Variants in AVEN observed in about 807,000 individuals in gnomAD.
AVEN encodes the protein apoptosis and caspase activation inhibitor.
Under a neutral mutation model 38.1 loss-of-function variants are expected in AVEN, and 41 were observed. That is an observed-to-expected ratio of 1.08 (90% CI 0.84 to 1.40). The LOEUF (loss-of-function observed/expected upper bound fraction) is 1.40. Ranked by LOEUF, AVEN falls within the 40% of genes most tolerant of loss-of-function variation. AVEN has a pLI of 0.00. For missense variants in AVEN, 605 were observed against 438.8 expected (o/e 1.38, Z -3.38); for synonymous variants, 206 against 171.8 (o/e 1.20, Z -1.56).
intron 2 of AVEN, among the ~76,000 whole-genome samples, chr15:33,945,693 C>G (rs1185176917): frequency 1.3e-5 from 2 of 152,116 alleles, no homozygotes; most frequent in African/African-American, 4.8e-5. Context: ...TCAAGCGAGT[C>G]CCCTGCCTCA....
chr15:33,861,252 C>T, downstream of AVEN: 1 of 1,112,226 alleles, frequency 9.0e-7, no homozygotes, highest in Non-Finnish European at 1.3e-6. Context: ...ATAGTTCAGT[C>T]TCTGCTGGAA....
At chr15:33,875,761 T>G (rs962003805) in intron 3 of AVEN, among the ~76,000 whole-genome samples, 164 bp downstream of exon 3, 2 of 152,170 alleles carry the variant, frequency 1.3e-5, no homozygotes, top group African/African-American at 4.8e-5. Context: ...CAAGGACCTG[T>G]GGAATTTCAG....
chr15:33,979,722 G>A (rs925198310), intron 2 of AVEN, among the ~76,000 whole-genome samples: 2 of 152,186 alleles, frequency 1.3e-5, no homozygotes, highest in African/African-American at 2.4e-5. Flanking sequence ...TTCATAACAT[G>A]TCAGCTTTAC....
At chr15:33,992,736 G>A (rs372755285) in intron 2 of AVEN, among the ~76,000 whole-genome samples, 1 of 152,142 alleles carries the variant, frequency 6.6e-6, no homozygotes, top group Non-Finnish European at 1.5e-5. Flanking sequence ...GAAAAGGTTC[G>A]AGGTTTAATT....
intron 2 of AVEN, among the ~76,000 whole-genome samples, chr15:33,947,447 T>C (rs1270355441): frequency 6.6e-6 from 1 of 152,138 alleles, no homozygotes; most frequent in African/African-American, 2.4e-5. Context: ...CTGTAATACG[T>C]AGATGCGTTT....
At chr15:34,008,964 A>C (rs1334757812) in intron 1 of AVEN, among the ~76,000 whole-genome samples, 1 of 151,910 alleles carries the variant, frequency 6.6e-6, no homozygotes, top group Non-Finnish European at 1.5e-5. Context: ...GCACACACAC[A>C]CACACACACA....
intron 2 of AVEN, among the ~76,000 whole-genome samples, chr15:33,992,447 G>A (rs914279645): frequency 6.6e-6 from 1 of 152,122 alleles, no homozygotes; most frequent in Non-Finnish European, 1.5e-5. Flanking sequence ...CAGCTACAAG[G>A]AAAAGTTTTT....
chr15:33,921,775 C>G (rs1002055189), intron 2 of AVEN, among the ~76,000 whole-genome samples: 4 of 152,186 alleles, frequency 2.6e-5, no homozygotes, highest in African/African-American at 9.7e-5. Flanking sequence ...CCACAAATCT[C>G]AAACTTTAAC....
chr15:33,908,905 C>A (rs1048529487), intron 2 of AVEN, among the ~76,000 whole-genome samples: 4 of 152,158 alleles, frequency 2.6e-5, no homozygotes, highest in Admixed American at 1.3e-4. Flanking sequence ...CTGGGGTGGT[C>A]TAGAGCGACA....
chr15:33,908,366 T>C lies in AVEN; in HGVS notation c.446-32371A>G, dbSNP rs1892788613. On this transcript the variant is annotated intron_variant, in intron 2 of 5. Coordinates refer to ENST00000306730, the MANE Select transcript of AVEN (RefSeq NM_020371.3). ...ACAGTTTTCTTCCTTACTACAAGCATTATTGTTACCTGGAATAAAAGATTC... is the reference window on the plus strand; with the variant it reads ...ACAGTTTTCTTCCTTACTACAAGCACTATTGTTACCTGGAATAAAAGATTC... 2.1e-5 allele frequency among the ~76,000 whole-genome samples: 2 copies of C among 95,618 alleles called. 1 individual carries two copies. Among genetic ancestry groups the C allele is most frequent in the Admixed American group, 2.2e-4 (2 of 8,966 alleles). 62.7% of individuals were successfully genotyped at this position (95,618 alleles called of 152,430 possible). A position where few individuals can be genotyped will look rare whatever the true frequency, so the allele number is the denominator to read the frequency against.
At chr15:34,051,888 A>G (rs1472453084) in intron 5 of AVEN, among the ~76,000 whole-genome samples, 3 of 152,094 alleles carry the variant, frequency 2.0e-5, no homozygotes, top group Non-Finnish European at 4.4e-5. Flanking sequence ...ACCCAGGACC[A>G]GACAGATTTA....
intron 1 of AVEN, among the ~76,000 whole-genome samples, chr15:34,006,300 G>A (rs1897338152): frequency 6.9e-6 from 1 of 145,690 alleles, no homozygotes; most frequent in Admixed American, 6.8e-5. Flanking sequence ...AACAGAGCGA[G>A]ACTCCGTCTC....
Position 33,896,118 on chromosome 15 carries a change from C to G in AVEN, c.446-20123G>C, listed in dbSNP as rs187782676. On this transcript the variant is annotated intron_variant, in intron 2 of 5. Transcript: ENST00000306730. Reference sequence around the variant, plus strand: ...CTGTTTCCAAGTAACTTAATTATACCCCAGAATAAAAACTACATAGTATTT... The same window carrying G: ...CTGTTTCCAAGTAACTTAATTATACGCCAGAATAAAAACTACATAGTATTT... 4.1e-3 allele frequency among the ~76,000 whole-genome samples: 624 copies of G among 152,106 alleles called. 2 individuals are homozygous for G. The highest frequency in any genetic ancestry group is 6.1e-3 in the Non-Finnish European group (413 of 67,986).
At chr15:34,051,869 A>G (rs929411551) in intron 5 of AVEN, among the ~76,000 whole-genome samples, 1 of 149,176 alleles carries the variant, frequency 6.7e-6, no homozygotes, top group African/African-American at 2.5e-5. Context: ...CCAAAAAAAG[A>G]AAAAAAAAAC....
chr15:34,034,372 T>G (rs1291302926), intron 1 of AVEN, among the ~76,000 whole-genome samples: 1 of 151,268 alleles, frequency 6.6e-6, no homozygotes, highest in Non-Finnish European at 1.5e-5. Flanking sequence ...GTACAGCAGT[T>G]GAAGGCAGCA....
At chr15:33,988,605 T>C (rs1171585347) in intron 2 of AVEN, among the ~76,000 whole-genome samples, 4 of 152,220 alleles carry the variant, frequency 2.6e-5, no homozygotes, top group Non-Finnish European at 4.4e-5. Context: ...GGGTCACTAG[T>C]GGCCACAGGG....
At chr15:34,058,497 A>T (rs1401250819) in intron 5 of AVEN, among the ~76,000 whole-genome samples, 1 of 151,810 alleles carries the variant, frequency 6.6e-6, no homozygotes, top group Non-Finnish European at 1.5e-5. Context: ...AATTTCCCAA[A>T]CAGGCCACTA....
At chr15:33,937,443 G>A (rs1358315281) in intron 2 of AVEN, among the ~76,000 whole-genome samples, 1 of 151,276 alleles carries the variant, frequency 6.6e-6, no homozygotes, top group Non-Finnish European at 1.5e-5. Flanking sequence ...TGAGGCAGGA[G>A]AACGGCATGA....
rs759357755 is a variant in AVEN, at chr15:33,867,775, C to T, written c.693G>A (p.Gly231=). 4 of 1,614,116 alleles carry T rather than the reference C, an allele frequency of 2.5e-6. No homozygotes were observed. Among genetic ancestry groups the T allele is most frequent in the Non-Finnish European group, 3.4e-6 (4 of 1,180,004 alleles). Residue 231 remains glycine, a synonymous_variant, in exon 5 of 6, where the codon GGG becomes GGA. Transcript: ENST00000306730. ...GCCCCCTTCCTCCAGGCCCCAAGGG[C>T]CCCTTTAACTGCATCCCTAATCCCT... The part of the protein sequence containing the change: ...DGKGLGMQLK[G]PLGPGGRGPI...
Sources: allele counts gnomAD v4.1 joint callset (sites outside exome capture counted in the v4.1 genomes callset), GRCh38; gene constraint gnomAD v4.1.1; transcripts MANE v1.5; gene names NCBI Gene and HGNC (gene_info 2026-07-23, HGNC 2026-07-21).